The following SDK1 variants were observed in gnomAD, a reference collection of about 807,000 sequenced individuals.
The protein encoded by SDK1 is sidekick cell adhesion molecule 1.
A neutral mutation model predicts 245.5 loss-of-function variants in SDK1; 157 were observed. The ratio of observed to expected loss-of-function variants is 0.64; its 90% CI spans 0.56 to 0.73. The LOEUF (loss-of-function observed/expected upper bound fraction) is 0.73. Ranked by LOEUF, SDK1 falls within the 30% of genes least tolerant of loss-of-function variation. The probability of loss-of-function intolerance (pLI) is 0.00; values close to 1 mark genes in which losing one functional copy is unlikely to be tolerated. For synonymous variants in SDK1, 1,647 were observed against 1,278.5 expected (o/e 1.29, Z -6.15); for missense variants, 3,583 against 3,002.3 (o/e 1.19, Z -4.52).
intron 5 of SDK1, among the ~76,000 whole-genome samples, chr7:3,935,634 A>G (rs1780132719): frequency 6.6e-6 from 1 of 152,210 alleles, no homozygotes; most frequent in African/African-American, 2.4e-5. Context: ...AATACTCAAC[A>G]TCACTAATCA....
chr7:3,461,000 A>G (rs1780816030), intron 1 of SDK1, among the ~76,000 whole-genome samples: 1 of 152,210 alleles, frequency 6.6e-6, no homozygotes, highest in Non-Finnish European at 1.5e-5. Context: ...GACCATACAT[A>G]TCTGACTTGG....
At chr7:3,486,012 A>C (rs1294941908) in intron 1 of SDK1, among the ~76,000 whole-genome samples, 4 of 151,936 alleles carry the variant, frequency 2.6e-5, no homozygotes, top group Non-Finnish European at 5.9e-5. Flanking sequence ...GACAGTTTAT[A>C]TAATATTGGT....
chr7:3,502,532 A>T (rs1055408148), intron 1 of SDK1, among the ~76,000 whole-genome samples: 7 of 152,248 alleles, frequency 4.6e-5, no homozygotes, highest in Non-Finnish European at 8.8e-5. Context: ...TACAGGCGTG[A>T]ACCGCCATTC....
chr7:3,338,809 T>C (rs1050394667), intron 1 of SDK1, among the ~76,000 whole-genome samples: 2 of 152,196 alleles, frequency 1.3e-5, no homozygotes, highest in African/African-American at 4.8e-5. Flanking sequence ...ACTGTAGTCC[T>C]TAGAGCAGCC....
At chr7:3,793,350 G>A (rs1468939974) in intron 4 of SDK1, among the ~76,000 whole-genome samples, 1 of 152,070 alleles carries the variant, frequency 6.6e-6, no homozygotes, top group Non-Finnish European at 1.5e-5. Flanking sequence ...TGCCTAAGTT[G>A]TATTCTCCTT....
At chr7:4,001,037 C>T (rs1785038085) in intron 14 of SDK1, among the ~76,000 whole-genome samples, 1 of 152,158 alleles carries the variant, frequency 6.6e-6, no homozygotes, top group South Asian at 2.1e-4. Context: ...CAGGGTGGCT[C>T]CCACATCCTT....
Position 3,435,321 on chromosome 7 carries a change from C to CTTTTTTTTTTTTT in SDK1, c.298+133452_298+133464dup, listed in dbSNP as rs71029672. 5.8e-3 allele frequency among the ~76,000 whole-genome samples: 332 copies of CTTTTTTTTTTTTT among 56,898 alleles called. 23 individuals carry two copies. The highest frequency in any genetic ancestry group is 8.7e-3 in the African/African-American group (96 of 10,994). The allele number at this position is 56,898 out of a possible 152,430, so 37.3% of individuals were successfully genotyped here. ...ATACTTGACTTATGAAGGGGACTGC[C>CTTTTTTTTTTTTT]TTTTTTTTTTTTTTTTTTTTTTTTT... On this transcript the variant is annotated intron_variant, in intron 1 of 44. Transcript: ENST00000404826.
intron 44 of SDK1, among the ~76,000 whole-genome samples, chr7:4,254,883 G>C (rs1337473981): frequency 6.6e-6 from 1 of 152,098 alleles, no homozygotes; most frequent in East Asian, 1.9e-4. Context: ...TACCAGGGAT[G>C]ACTGTGGTTT....
intron 16 of SDK1, among the ~76,000 whole-genome samples, chr7:4,013,971 C>T (rs1273377673): frequency 6.6e-6 from 1 of 152,256 alleles, no homozygotes; most frequent in African/African-American, 2.4e-5. Context: ...GAAAACAGCC[C>T]CGTGTCCCCG....
chr7:3,571,125 T>C (rs1402645914), intron 1 of SDK1, among the ~76,000 whole-genome samples: 1 of 151,264 alleles, frequency 6.6e-6, no homozygotes, highest in Non-Finnish European at 1.5e-5. Flanking sequence ...TCTGCGTTAC[T>C]TAATTTAATT....
At chr7:3,860,340 A>G (rs919703253) in intron 5 of SDK1, among the ~76,000 whole-genome samples, 5 of 152,232 alleles carry the variant, frequency 3.3e-5, no homozygotes, top group Non-Finnish European at 5.9e-5. Flanking sequence ...AGACAATGAA[A>G]AAAAGATGGG....
rs1208866195 is a variant in SDK1 at position 4,026,415 on chromosome 7, A to G, written c.2602+9063A>G. ...AACTGGTATTTTGTGAATAGAAATA[A>G]CATCTTGTTCCTAACTGACTTCAGA... On this transcript the variant is annotated intron_variant, in intron 17 of 44. Transcript: ENST00000404826. The surrounding 1 kb of genome is among the most constrained non-coding windows in gnomAD (Gnocchi z 4.1). 1.3e-5 allele frequency among the ~76,000 whole-genome samples: 2 copies of G among 152,230 alleles called. No homozygotes were observed. Among genetic ancestry groups the G allele is most frequent in the African/African-American group, 4.8e-5 (2 of 41,464 alleles).
intron 2 of SDK1, among the ~76,000 whole-genome samples, chr7:3,629,758 C>T (rs1445963638): frequency 6.6e-6 from 1 of 152,176 alleles, no homozygotes; most frequent in Non-Finnish European, 1.5e-5. Context: ...GGAAAATTCA[C>T]AGTGTCTAGA....
chr7:4,236,400 G>A (rs1562466719), intron 41 of SDK1, among the ~76,000 whole-genome samples: 1 of 152,006 alleles, frequency 6.6e-6, no homozygotes, highest in South Asian at 2.1e-4. Context: ...GCCTTTACAT[G>A]CATTTTTTTC....
chr7:3,644,909 T>C (rs532901523), intron 4 of SDK1, among the ~76,000 whole-genome samples: 2 of 151,104 alleles, frequency 1.3e-5, no homozygotes, highest in Admixed American at 6.6e-5. Flanking sequence ...AGGATAAATG[T>C]TGGGGGAGAA....
intron 1 of SDK1, among the ~76,000 whole-genome samples, chr7:3,325,284 A>G (rs911641928): frequency 6.6e-6 from 1 of 152,122 alleles, no homozygotes; most frequent in African/African-American, 2.4e-5. Context: ...GTTTTATAGT[A>G]ATCCTAACCT....
chr7:3,847,357 C>G (rs1213262854), intron 5 of SDK1, among the ~76,000 whole-genome samples: 3 of 152,302 alleles, frequency 2.0e-5, no homozygotes, highest in African/African-American at 7.2e-5. Flanking sequence ...TTTCCTTCTT[C>G]CATTAAATGG....
intron 1 of SDK1, among the ~76,000 whole-genome samples, chr7:3,585,041 G>T (rs899806157): frequency 6.6e-5 from 10 of 152,080 alleles, no homozygotes; most frequent in African/African-American, 2.4e-4. Context: ...CGTTTTGAGT[G>T]ATCCACTGCC....
At chr7:3,799,769 C>G (rs994897857) in intron 4 of SDK1, among the ~76,000 whole-genome samples, 5 of 151,076 alleles carry the variant, frequency 3.3e-5, no homozygotes, top group East Asian at 1.9e-4. Flanking sequence ...CGTGACTTCT[C>G]TCTACCCTTG....
Sources: allele counts gnomAD v4.1 joint callset (sites outside exome capture counted in the v4.1 genomes callset), GRCh38; gene constraint gnomAD v4.1.1; non-coding constraint Gnocchi (gnomAD v3.1); transcripts MANE v1.5; gene names NCBI Gene and HGNC (gene_info 2026-07-23, HGNC 2026-07-21).